Variants in LARP4 observed in about 807,000 individuals in gnomAD.
LARP4 encodes the protein La ribonucleoprotein 4, also known as la-related protein 4.
LARP4 carries 29 observed loss-of-function variants against 92.9 expected under a neutral mutation model. The ratio of observed to expected loss-of-function variants is 0.31; its 90% CI spans 0.23 to 0.43. The LOEUF (loss-of-function observed/expected upper bound fraction) is 0.43, where lower values mean the gene tolerates loss of function less well. Ranked by LOEUF, LARP4 falls within the 20% of genes least tolerant of loss-of-function variation. LARP4 has a pLI of 1.00. For missense variants in LARP4, 732 were observed against 860.0 expected (o/e 0.85, Z 1.86); for synonymous variants, 279 against 284.1 (o/e 0.98, Z 0.18).
intron 6 of LARP4, among the ~76,000 whole-genome samples, chr12:50,439,376 A>T (rs1210441918): frequency 6.6e-6 from 1 of 151,572 alleles, no homozygotes; most frequent in African/African-American, 2.4e-5. Context: ...TGCTTTTAAA[A>T]TTTTTTTTTC....
rs1022527022 is a variant in LARP4 at position 50,478,377 on chromosome 12, CATTT to C, written c.*2518_*2521del. On this transcript the variant is annotated 3_prime_UTR_variant, in exon 16 of 16. Coordinates refer to ENST00000398473, the MANE Select transcript of LARP4 (RefSeq NM_052879.5). ...ATATATATTCACAGTATGTATTTAGCATTTATTTTATTACAGCAGATTTAAAGTT... is the reference window on the plus strand; with the variant it reads ...ATATATATTCACAGTATGTATTTAGCATTTTATTACAGCAGATTTAAAGTT... 3 of 151,774 alleles carry C rather than the reference CATTT, an allele frequency of 2.0e-5. No homozygotes were observed. The highest frequency in any genetic ancestry group is 7.2e-5 in the African/African-American group (3 of 41,386). 9.4% of individuals were successfully genotyped at this position (151,774 alleles called of 1,614,324 possible).
chr12:50,461,064 T>C, intron 10 of LARP4, 71 bp from the exon 11 acceptor site: 1 of 1,327,900 alleles, frequency 7.5e-7, no homozygotes, highest in Non-Finnish European at 1.1e-6. Flanking sequence ...GGAGCCAATT[T>C]TTTACCTAAG....
intron 1 of LARP4, among the ~76,000 whole-genome samples, chr12:50,410,018 C>T (rs1945569827): frequency 6.6e-6 from 1 of 151,322 alleles, no homozygotes; most frequent in African/African-American, 2.4e-5. Context: ...TCTCGAACTC[C>T]TGCTCTCAGG....
At chr12:50,457,171 G>T (rs1954427147) in intron 10 of LARP4, among the ~76,000 whole-genome samples, 1 of 150,304 alleles carries the variant, frequency 6.7e-6, no homozygotes, top group African/African-American at 2.5e-5. Context: ...CAAAGTCCTG[G>T]GATTACAGGC....
chr12:50,459,306 G>A (rs1954898800), intron 10 of LARP4, among the ~76,000 whole-genome samples: 1 of 151,842 alleles, frequency 6.6e-6, no homozygotes, highest in South Asian at 2.1e-4. Flanking sequence ...GCTGAGGCTA[G>A]GATTTTAATT....
rs149462435 is a variant in LARP4 at position 50,466,866 on chromosome 12, T to C, written c.1384-93T>C. The C allele has an allele frequency of 1.5e-4, 186 of 1,254,532 alleles. 1 individual carries two copies. The African/African-American group carries it at 2.5e-3, about 17-fold the overall frequency. 77.7% of individuals were successfully genotyped at this position (1,254,532 alleles called of 1,614,324 possible). ...TGTGCATTATAGAGGTTTTGTTTGCTTCTTTTTCTTTTCTTGCACCTTTCA... is the reference window on the plus strand; with the variant it reads ...TGTGCATTATAGAGGTTTTGTTTGCCTCTTTTTCTTTTCTTGCACCTTTCA... On this transcript the variant is annotated intron_variant, in intron 12 of 15. Coordinates refer to ENST00000398473, the MANE Select transcript of LARP4 (RefSeq NM_052879.5).
At chr12:50,440,690 A>G (rs903439709) in intron 7 of LARP4, 141 bp downstream of exon 7, 9 of 570,326 alleles carry the variant, frequency 1.6e-5, no homozygotes, top group East Asian at 1.4e-4. Context: ...CTTTTGCTCA[A>G]TTGGTTTCCT....
At chr12:50,422,728 T>G (rs1445785221) in intron 1 of LARP4, among the ~76,000 whole-genome samples, 3 of 150,614 alleles carry the variant, frequency 2.0e-5, no homozygotes, top group African/African-American at 7.3e-5. Flanking sequence ...TTGAATCATT[T>G]TATATAGTCT....
chr12:50,475,352 T>C (rs1593512845), intron 15 of LARP4, among the ~76,000 whole-genome samples, 174 bp from the exon 16 acceptor site: 1 of 152,198 alleles, frequency 6.6e-6, no homozygotes, highest in South Asian at 2.1e-4. Flanking sequence ...CGTGAAATTA[T>C]TGTATAATAA....
chr12:50,434,921 G>A (rs1229956980), intron 4 of LARP4, among the ~76,000 whole-genome samples: 2 of 152,108 alleles, frequency 1.3e-5, no homozygotes, highest in South Asian at 2.1e-4. Context: ...GATGGCGGGC[G>A]CCTGTAGTCC....
At chr12:50,465,272 T>C (rs915795408) in intron 12 of LARP4, among the ~76,000 whole-genome samples, 2 of 149,950 alleles carry the variant, frequency 1.3e-5, no homozygotes, top group African/African-American at 4.9e-5. Context: ...CTCAGGAGGC[T>C]GAGGCAGGAG....
In LARP4 at chr12:50,453,493, A is replaced by C; in HGVS notation, c.838A>C (p.Lys280Gln). Reference protein sequence around the residue: ...RIKAINTFFAKNGYRLMDSSI... With the variant: ...RIKAINTFFAQNGYRLMDSSI... Reference sequence around the variant, plus strand: ...AAAAGCCATCAATACATTTTTTGCTAAGAATGGTTATCGATTAATGGATTC... The same window carrying C: ...AAAAGCCATCAATACATTTTTTGCTCAGAATGGTTATCGATTAATGGATTC... The change falls in exon 9 of 16, where the codon AAG becomes CAG. Residue 280 changes from lysine to glutamine, a missense_variant. By Grantham distance (53) the Lys-to-Gln change is moderately conservative. Transcript: ENST00000398473. The C allele has an allele frequency of 6.2e-7, 1 of 1,612,468 alleles. No homozygotes were observed. The highest frequency in any genetic ancestry group is 8.5e-7 in the Non-Finnish European group (1 of 1,178,742).
At position 50,404,813 on chromosome 12, in the gene LARP4, C is replaced by T. The variant is rs1373199966; in HGVS notation, c.18+3785C>T. On this transcript the variant is annotated intron_variant, in intron 1 of 15. Coordinates refer to ENST00000398473, the MANE Select transcript of LARP4 (RefSeq NM_052879.5). ...CAAGTGATTCTCCTGCCTCAGCCTC[C>T]CGAGTAGCTGGGACTGTAGGCGCAT... 3.3e-5 allele frequency among the ~76,000 whole-genome samples: 5 copies of T among 151,850 alleles called. No homozygotes were observed. The East Asian group carries it at 5.8e-4, about 18-fold the overall frequency.
At chr12:50,436,468 C>T (rs144717020) in intron 5 of LARP4, among the ~76,000 whole-genome samples, 139 of 152,088 alleles carry the variant, frequency 9.1e-4, no homozygotes, top group Middle Eastern at 3.4e-3. Context: ...GTTTTTAAAC[C>T]CAAATAAGAA....
chr12:50,433,665 G>C (rs1593043751), intron 4 of LARP4, among the ~76,000 whole-genome samples: 1 of 146,994 alleles, frequency 6.8e-6, no homozygotes, highest in South Asian at 2.1e-4. Context: ...TTGAGATGGA[G>C]TTCTCACTCT....
intron 8 of LARP4, among the ~76,000 whole-genome samples, chr12:50,452,495 T>C (rs1953394697): frequency 6.6e-6 from 1 of 152,198 alleles, no homozygotes; most frequent in Admixed American, 6.5e-5. Flanking sequence ...TTTTAACTTT[T>C]GAGGAATCTC....
intron 1 of LARP4, among the ~76,000 whole-genome samples, chr12:50,418,581 C>T (rs544034625): frequency 1.3e-4 from 20 of 152,172 alleles, no homozygotes; most frequent in Middle Eastern, 3.4e-3. Flanking sequence ...CAACACGCCT[C>T]GCTAATTTTT....
At position 50,477,843 on chromosome 12, in the gene LARP4, T is replaced by C. The variant is rs1957641146; in HGVS notation, c.*1979T>C. On this transcript the variant is annotated 3_prime_UTR_variant, in exon 16 of 16. Coordinates refer to ENST00000398473, the MANE Select transcript of LARP4 (RefSeq NM_052879.5). Reference sequence around the variant, plus strand: ...GTCCTTTAAAAAAACATATTAATCATTGACTACATCTATGATAAAAGTGCT... The same window carrying C: ...GTCCTTTAAAAAAACATATTAATCACTGACTACATCTATGATAAAAGTGCT... 2 of 152,648 alleles carry C rather than the reference T, an allele frequency of 1.3e-5. No homozygotes were observed. The highest frequency in any genetic ancestry group is 4.8e-5 in the African/African-American group (2 of 41,574). 9.5% of individuals were successfully genotyped at this position (152,648 alleles called of 1,614,324 possible).
intron 1 of LARP4, among the ~76,000 whole-genome samples, chr12:50,423,876 C>T (rs1368545743): frequency 1.3e-5 from 2 of 151,592 alleles, no homozygotes; most frequent in East Asian, 1.9e-4. Flanking sequence ...CTCAGCCTCC[C>T]GAGTAGTAGC....
Sources: gnomAD v4.1 joint callset for allele counts (sites outside exome capture counted in the v4.1 genomes callset) on GRCh38, gnomAD v4.1.1 for gene constraint, MANE v1.5 for transcripts, NCBI Gene and HGNC (gene_info 2026-07-23, HGNC 2026-07-21) for gene names.